The following ATP9A variants were observed in gnomAD, a reference collection of about 807,000 sequenced individuals.
The protein encoded by ATP9A is probable phospholipid-transporting ATPase IIA.
Under a neutral mutation model 144.1 loss-of-function variants are expected in ATP9A, and 52 were observed. The ratio of observed to expected loss-of-function variants is 0.36; its 90% CI spans 0.29 to 0.45. The LOEUF is 0.45. Ranked by LOEUF, ATP9A falls within the 20% of genes least tolerant of loss-of-function variation. The pLI, the probability that ATP9A is intolerant of heterozygous loss-of-function variation, is 1.00. For synonymous variants in ATP9A, 582 were observed against 557.4 expected (o/e 1.04, Z -0.62); for missense variants, 947 against 1,392.7 (o/e 0.68, Z 5.09).
intron 1 of ATP9A, among the ~76,000 whole-genome samples, chr20:51,731,661 G>A (rs1392042761): frequency 6.6e-6 from 1 of 151,738 alleles, no homozygotes; most frequent in Admixed American, 6.6e-5. Flanking sequence ...GGAGGTTGCA[G>A]TGAGCCAAGA....
intron 4 of ATP9A, among the ~76,000 whole-genome samples, chr20:51,712,250 A>AT (rs1367474720): frequency 6.6e-6 from 1 of 151,374 alleles, no homozygotes; most frequent in East Asian, 1.9e-4. Context: ...TTTTTTTTGT[A>AT]TTTTTAGTAG....
chr20:51,727,118 C>A (rs192789703), intron 2 of ATP9A, among the ~76,000 whole-genome samples: 1,722 of 150,200 alleles, frequency 0.011, 48 homozygotes, highest in African/African-American at 0.04. Flanking sequence ...AAGGTGAAAC[C>A]CCGTCTCTAC....
At chr20:51,602,973 C>G (rs900686146) in intron 27 of ATP9A, among the ~76,000 whole-genome samples, 2 of 152,180 alleles carry the variant, frequency 1.3e-5, no homozygotes, top group Non-Finnish European at 2.9e-5. Flanking sequence ...ACACCACCCC[C>G]ACTGAGAAGG....
intron 3 of ATP9A, among the ~76,000 whole-genome samples, chr20:51,715,528 T>C (rs142287758): frequency 7.6e-4 from 116 of 152,306 alleles, no homozygotes; most frequent in African/African-American, 2.7e-3. Flanking sequence ...CTAAATCCCA[T>C]TGATGTTCAT....
rs147477156 is a variant in ATP9A at position 51,763,534 on chromosome 20, G to C, written c.68+4768C>G. Among the ~76,000 whole-genome samples, 399 of 151,860 alleles carry C rather than the reference G, an allele frequency of 2.6e-3. 1 individual carries two copies. The highest frequency in any genetic ancestry group is 0.011 in the East Asian group (54 of 5,132). On this transcript the variant is annotated intron_variant, in intron 1 of 27. Coordinates refer to ENST00000338821, the MANE Select transcript of ATP9A (RefSeq NM_006045.3). ...TCACTTGTGTTAGCCAGGATGGTCT[G>C]GATCTCCTGACCTCCTGATCCGCCC... is the stretch of plus-strand genomic sequence containing the variant.
intron 1 of ATP9A, among the ~76,000 whole-genome samples, chr20:51,741,105 G>C (rs2077783433): frequency 8.1e-6 from 1 of 123,788 alleles, no homozygotes; most frequent in South Asian, 2.5e-4. Context: ...GCCACACTGA[G>C]TGCTCCATAG....
At chr20:51,623,537 T>C (rs1471707481) in intron 18 of ATP9A, among the ~76,000 whole-genome samples, 2 of 151,916 alleles carry the variant, frequency 1.3e-5, no homozygotes, top group Admixed American at 6.5e-5. Context: ...TCCCAACACT[T>C]TGGGAGGCCG....
chr20:51,607,554 T>C lies in ATP9A; in HGVS notation c.2776A>G (p.Ile926Val). Residue 926 changes from isoleucine (I) to valine (V), a missense_variant, in exon 26 of 28, where the codon ATA becomes GTA. This residue lies in a region of ATP9A where 177 missense variants were observed against 344.9 expected (regional missense o/e 0.51). Coordinates refer to ENST00000338821, the MANE Select transcript of ATP9A (RefSeq NM_006045.3). ...TGATAGATGCTAATCAAAACCCATA[T>C]TAAGAATGTCTTGTAGGACAACGGC... ...GRPLSYKTFL[I>V]WVLISIYQGS... The C allele has an allele frequency of 1.2e-6, 2 of 1,613,442 alleles. No homozygotes were observed. Among genetic ancestry groups the C allele is most frequent in the Non-Finnish European group, 1.7e-6 (2 of 1,179,504 alleles).
rs11339305 is a variant in ATP9A, at chr20:51,676,224, GAA to G, written c.800-18_800-17del. 2,674 of 1,215,360 alleles carry G rather than the reference GAA, an allele frequency of 2.2e-3. 1 individual carries two copies. The highest frequency in any genetic ancestry group is 7.8e-3 in the African/African-American group (456 of 58,792). 75.3% of individuals were successfully genotyped at this position (1,215,360 alleles called of 1,614,324 possible). A position where few individuals can be genotyped will look rare whatever the true frequency, so the allele number is the denominator to read the frequency against. ...ACAACAGTACCTAAAATGGAAAAAA[GAA>G]AAAAAAAAAAAGAAAAGAAATATTA... is the stretch of plus-strand genomic sequence containing the variant. On this transcript the variant is annotated splice_polypyrimidine_tract_variant and intron_variant, in intron 9 of 27. Coordinates refer to ENST00000338821, the MANE Select transcript of ATP9A (RefSeq NM_006045.3).
intron 1 of ATP9A, among the ~76,000 whole-genome samples, chr20:51,759,447 T>G (rs963656815): frequency 5.3e-5 from 8 of 152,092 alleles, no homozygotes; most frequent in Non-Finnish European, 1.2e-4. Context: ...CCGAGGTGGG[T>G]GGATCACCTG....
chr20:51,703,112 T>C (rs2077601341), intron 4 of ATP9A, among the ~76,000 whole-genome samples: 1 of 152,194 alleles, frequency 6.6e-6, no homozygotes, highest in African/African-American at 2.4e-5. Flanking sequence ...TTGGTCAGTT[T>C]TGTGTTTTTT....
intron 4 of ATP9A, among the ~76,000 whole-genome samples, chr20:51,711,788 G>GA (rs2077639618): frequency 3.0e-5 from 4 of 135,386 alleles, no homozygotes; most frequent in African/African-American, 1.3e-4. Context: ...TATCTTGCAA[G>GA]TGGGGGGTCA....
chr20:51,713,147 G>A, intron 3 of ATP9A, 73 bp from the exon 4 acceptor site: 2 of 1,403,504 alleles, frequency 1.4e-6, no homozygotes. Context: ...CCCTCCTGGT[G>A]CCAGGGGCAG....
At chr20:51,608,087 T>A (rs2077170845) in intron 25 of ATP9A, among the ~76,000 whole-genome samples, 1 of 148,928 alleles carries the variant, frequency 6.7e-6, no homozygotes, top group African/African-American at 2.5e-5. Context: ...TAACATTACA[T>A]GGGAATAAAC....
At chr20:51,728,826 C>T in intron 2 of ATP9A, among the ~76,000 whole-genome samples, 1 of 152,134 alleles carries the variant, frequency 6.6e-6, no homozygotes, top group East Asian at 1.9e-4. Flanking sequence ...TGCCTCTGCA[C>T]TATCACTCAA....
At position 51,601,846 on chromosome 20, in the gene ATP9A, G is replaced by T. The variant is rs577840417; in HGVS notation, c.3008-499C>A. Among the ~76,000 whole-genome samples, 3 of 152,164 alleles carry T rather than the reference G, an allele frequency of 2.0e-5. No homozygotes were observed. The South Asian group carries it at 6.2e-4, about 32-fold the overall frequency. Reference sequence around the variant, plus strand: ...ATCTGAGCCCGGGGAGCTTGAGACTGCAGTGAGCCAACATTGCACCACCGC... The same window carrying T: ...ATCTGAGCCCGGGGAGCTTGAGACTTCAGTGAGCCAACATTGCACCACCGC... On this transcript the variant is annotated intron_variant, in intron 27 of 27. Transcript: ENST00000338821.
chr20:51,726,031 C>T, intron 2 of ATP9A, 99 bp from the exon 3 acceptor site: 2 of 769,634 alleles, frequency 2.6e-6, no homozygotes, highest in Non-Finnish European at 4.4e-6. Context: ...AACATTCCTG[C>T]AGCCAGGCGT....
At chr20:51,709,112 G>A (rs2077626722) in intron 4 of ATP9A, among the ~76,000 whole-genome samples, 1 of 152,134 alleles carries the variant, frequency 6.6e-6, no homozygotes, top group Non-Finnish European at 1.5e-5. Flanking sequence ...GTCCTTCAAG[G>A]AATTAAGCAC....
At chr20:51,716,761 G>A (rs958176301) in intron 3 of ATP9A, among the ~76,000 whole-genome samples, 3 of 152,200 alleles carry the variant, frequency 2.0e-5, no homozygotes, top group African/African-American at 7.2e-5. Context: ...GCCACATGAA[G>A]CATTTTTACT....
Sources: gnomAD v4.1 joint callset for allele counts (sites outside exome capture counted in the v4.1 genomes callset) on GRCh38, gnomAD v4.1.1 for gene constraint, gnomAD v4.1.1 regional missense constraint, MANE v1.5 for transcripts, NCBI Gene and HGNC (gene_info 2026-07-23, HGNC 2026-07-21) for gene names.